TSPYL5: variants seen among roughly 807,000 people sequenced by gnomAD.
TSPYL5 encodes the protein testis-specific Y-encoded-like protein 5.
For synonymous variants in TSPYL5, 276 were observed against 236.1 expected (o/e 1.17, Z -1.55); for missense variants, 556 against 555.5 (o/e 1.00, Z -0.01).
At position 97,277,310 on chromosome 8, in the gene TSPYL5, C is replaced by T; in HGVS notation, c.535G>A (p.Val179Met). Reference sequence around the variant, plus strand: ...TCCTTCTTTTCCTCCCCAGCTGACACCGAGGTATTCTCCCCTGCCGCCCCT... The same window carrying T: ...TCCTTCTTTTCCTCCCCAGCTGACATCGAGGTATTCTCCCCTGCCGCCCCT... ...KKGAAGENTS[V>M]SAGEEKKEER... The change falls in exon 1 of 1, where the codon GTG becomes ATG. Residue 179 changes from valine (V) to methionine (M), a missense_variant. Coordinates refer to ENST00000322128, the MANE Select transcript of TSPYL5 (RefSeq NM_033512.3). The surrounding 1 kb of genome is among the most constrained non-coding windows in gnomAD (Gnocchi z 4.5). The T allele has an allele frequency of 6.2e-7, 1 of 1,612,076 alleles. No individual in the cohort carries two copies. Among genetic ancestry groups the T allele is most frequent in the African/African-American group, 1.3e-5 (1 of 75,050 alleles).
chr8:97,276,428 G>T lies in TSPYL5; in HGVS notation c.*163C>A. ...TGACACTAACGTAGAAAAGCAAGAG[G>T]CTATGGGAGGCAAAAGAACATGATC... is the stretch of plus-strand genomic sequence containing the variant. On this transcript the variant is annotated 3_prime_UTR_variant, in exon 1 of 1. Coordinates refer to ENST00000322128, the MANE Select transcript of TSPYL5 (RefSeq NM_033512.3). 1.1e-6 allele frequency: 1 copy of T among 888,234 alleles called. No homozygotes were observed. The highest frequency in any genetic ancestry group is 1.8e-6 in the Non-Finnish European group (1 of 569,432). The allele number at this position is 888,234 out of a possible 1,614,324, so 55.0% of individuals were successfully genotyped here.
chr8:97,276,701 G>A lies in TSPYL5; in HGVS notation c.1144C>T (p.Leu382Phe), dbSNP rs778314933. The A allele has an allele frequency of 1.9e-6, 3 of 1,614,174 alleles. No homozygotes were observed. The highest frequency in any genetic ancestry group is 1.3e-5 in the African/African-American group (1 of 75,030). ...TCTACACGAGCCCCTTCACTCAAAAGGTAGAACTGCAAGGGATTGGGCCAC... is the reference window on the plus strand; with the variant it reads ...TCTACACGAGCCCCTTCACTCAAAAAGTAGAACTGCAAGGGATTGGGCCAC... ...ELWPNPLQFY[L>F]LSEGARVEKG... The change falls in exon 1 of 1, where the codon CTT becomes TTT. Residue 382 changes from leucine to phenylalanine, a missense_variant. Physicochemically the swap from Leu to Phe is conservative, Grantham distance 22 (BLOSUM62 0). Coordinates refer to ENST00000322128, the MANE Select transcript of TSPYL5 (RefSeq NM_033512.3).
In TSPYL5 at chr8:97,276,874, C is replaced by T. The variant is rs148712696; in HGVS notation, c.971G>A (p.Arg324His). 3.7e-5 allele frequency: 60 copies of T among 1,614,014 alleles called. 1 individual carries two copies. The African/African-American group carries it at 5.5e-4, about 15-fold the overall frequency. Reference sequence around the variant, plus strand: ...TGGGAGCCACTGGATTGGAGTAGAACGAGACACCACCTGGCCAGAAGGACC... The same window carrying T: ...TGGGAGCCACTGGATTGGAGTAGAATGAGACACCACCTGGCCAGAAGGACC... Reference protein sequence around the residue: ...GCGPSGQVVSRSTPIQWLPGH... With the variant: ...GCGPSGQVVSHSTPIQWLPGH... The change falls in exon 1 of 1, where the codon CGT becomes CAT. Residue 324 changes from arginine to histidine, a missense_variant. Arg to His is a conservative substitution (Grantham distance 29). Transcript: ENST00000322128.
Position 97,276,409 on chromosome 8 carries a change from T to C in TSPYL5, c.*182A>G. On this transcript the variant is annotated 3_prime_UTR_variant, in exon 1 of 1. Transcript: ENST00000322128. ...GGTGCGATCACATAACATGTGACACTAACGTAGAAAAGCAAGAGGCTATGG... is the reference window on the plus strand; with the variant it reads ...GGTGCGATCACATAACATGTGACACCAACGTAGAAAAGCAAGAGGCTATGG... 1 of 760,424 alleles carries C rather than the reference T, an allele frequency of 1.3e-6. No homozygotes were observed. Among genetic ancestry groups the C allele is most frequent in the Non-Finnish European group, 2.2e-6 (1 of 460,166 alleles). 47.1% of individuals were successfully genotyped at this position (760,424 alleles called of 1,614,324 possible). A position where few individuals can be genotyped will look rare whatever the true frequency, so the allele number is the denominator to read the frequency against.
chr8:97,277,390 G>A lies in TSPYL5; in HGVS notation c.455C>T (p.Thr152Ile), dbSNP rs758654311. 3 of 1,588,196 alleles carry A rather than the reference G, an allele frequency of 1.9e-6. No homozygotes were observed. The highest frequency in any genetic ancestry group is 1.7e-6 in the Non-Finnish European group (2 of 1,169,020). Residue 152 changes from threonine (T) to isoleucine (I), a missense_variant, in exon 1 of 1, where the codon ACC becomes ATC. By Grantham distance (89) the Thr-to-Ile change is moderately conservative (BLOSUM62 -1). Coordinates refer to ENST00000322128, the MANE Select transcript of TSPYL5 (RefSeq NM_033512.3). This position sits in a 1 kb window ranked among gnomAD's most constrained non-coding sequence, Gnocchi z 4.5. ...RGPAGKKAPE[T>I]CSTAGRGPQV... Reference sequence around the variant, plus strand: ...AGGCCCCCTCCCCGCGGTGCTACAGGTTTCTGGGGCCTTCTTCCCGGCAGG... The same window carrying A: ...AGGCCCCCTCCCCGCGGTGCTACAGATTTCTGGGGCCTTCTTCCCGGCAGG...
rs980571910 is a variant in TSPYL5 at position 97,274,981 on chromosome 8, G to C, written c.*1610C>G. ...AAGAGAGCAAAGGACTGCTGAAAGT[G>C]GGAAAGCTGGGGATTGAGGTCCAGA... is the stretch of plus-strand genomic sequence containing the variant. On this transcript the variant is annotated 3_prime_UTR_variant, in exon 1 of 1. Transcript: ENST00000322128. 2.6e-5 allele frequency: 4 copies of C among 152,886 alleles called. No homozygotes were observed. The highest frequency in any genetic ancestry group is 1.3e-4 in the Admixed American group (2 of 15,300). 9.5% of individuals were successfully genotyped at this position (152,886 alleles called of 1,614,324 possible).
rs1489659393 is a variant in TSPYL5 at position 97,273,602 on chromosome 8, GAAC to G, written c.*2986_*2988del. 1 of 152,630 alleles carries G rather than the reference GAAC, an allele frequency of 6.6e-6. No homozygotes were observed. Among genetic ancestry groups the G allele is most frequent in the East Asian group, 1.9e-4 (1 of 5,202 alleles). The allele number at this position is 152,630 out of a possible 1,614,324, so 9.5% of individuals were successfully genotyped here. A position where few individuals can be genotyped will look rare whatever the true frequency, so the allele number is the denominator to read the frequency against. ...TAACAGGGTGTCAAATTACCAAGTA[GAAC>G]AACCAGTTACTAATTATTTTGGGGA... On this transcript the variant is annotated 3_prime_UTR_variant, in exon 1 of 1. Coordinates refer to ENST00000322128, the MANE Select transcript of TSPYL5 (RefSeq NM_033512.3).
chr8:97,275,627 T>G lies in TSPYL5; in HGVS notation c.*964A>C, dbSNP rs924982518. 1 of 152,264 alleles carries G rather than the reference T, an allele frequency of 6.6e-6. No homozygotes were observed. Among genetic ancestry groups the G allele is most frequent in the Admixed American group, 6.5e-5 (1 of 15,276 alleles). 9.4% of individuals were successfully genotyped at this position (152,264 alleles called of 1,614,324 possible). On this transcript the variant is annotated 3_prime_UTR_variant, in exon 1 of 1. Coordinates refer to ENST00000322128, the MANE Select transcript of TSPYL5 (RefSeq NM_033512.3). ...GTATCTGGATTCTATATAGGCCCAG[T>G]CCTCACCCTCACCTGGAGCCACAGC...
chr8:97,277,072 T>C lies in TSPYL5; in HGVS notation c.773A>G (p.Asn258Ser), dbSNP rs752633209. ...IPGFWGQAFQ[N>S]HPQLASFLNS... ...CAGAAAGGATGCTAGCTGGGGATGG[T>C]TCTGAAATGCTTGCCCCCAGAAGCC... Residue 258 changes from asparagine to serine, a missense_variant, in exon 1 of 1, where the codon AAC becomes AGC. Physicochemically the swap from Asn to Ser is conservative, Grantham distance 46. Coordinates refer to ENST00000322128, the MANE Select transcript of TSPYL5 (RefSeq NM_033512.3). This position sits in a 1 kb window ranked among gnomAD's most constrained non-coding sequence, Gnocchi z 4.5. The C allele has an allele frequency of 2.5e-6, 4 of 1,613,690 alleles. No homozygotes were observed. In the South Asian group the frequency reaches 4.4e-5, roughly 18 times the overall value.
In TSPYL5 at chr8:97,277,413, A is replaced by G. The variant is rs140049401; in HGVS notation, c.432T>C (p.Pro144=). ...NAPRVGNRRG[P]AGKKAPETCS... is the part of the protein sequence containing the mutation. ...AGGTTTCTGGGGCCTTCTTCCCGGC[A>G]GGGCCACGCCGGTTTCCAACGCGGG... The change falls in exon 1 of 1, where the codon CCT becomes CCC. Residue 144 remains proline (P), a synonymous_variant. Coordinates refer to ENST00000322128, the MANE Select transcript of TSPYL5 (RefSeq NM_033512.3). This position sits in a 1 kb window ranked among gnomAD's most constrained non-coding sequence, Gnocchi z 4.5. 1.3e-3 allele frequency: 1,979 copies of G among 1,571,414 alleles called. 20 individuals carry two copies. The African/African-American group carries it at 0.022, about 18-fold the overall frequency.
rs1264741474 is a variant in TSPYL5 at position 97,276,554 on chromosome 8, C to G, written c.*37G>C. ...AGCCAAATATGTAGTCAACCAGGAG[C>G]AGCCCAGCAGGAGGTAGCAGGGAGA... On this transcript the variant is annotated 3_prime_UTR_variant, in exon 1 of 1. Transcript: ENST00000322128. 6.3e-7 allele frequency: 1 copy of G among 1,585,262 alleles called. No individual in the cohort carries two copies.
chr8:97,276,052 T>TA lies in TSPYL5; in HGVS notation c.*538dup, dbSNP rs1207284897. 1 of 154,582 alleles carries TA rather than the reference T, an allele frequency of 6.5e-6. No individual in the cohort carries two copies. Among genetic ancestry groups the TA allele is most frequent in the Admixed American group, 6.4e-5 (1 of 15,658 alleles). 9.6% of individuals were successfully genotyped at this position (154,582 alleles called of 1,614,324 possible). A position where few individuals can be genotyped will look rare whatever the true frequency, so the allele number is the denominator to read the frequency against. ...ACAGACCACAGGCCAAAGCCAGAAA[T>TA]AAAGCAGGTGACATCTCAGCTGGTG... On this transcript the variant is annotated 3_prime_UTR_variant, in exon 1 of 1. Transcript: ENST00000322128.
At position 97,276,939 on chromosome 8, in the gene TSPYL5, C is replaced by G; in HGVS notation, c.906G>C (p.Pro302=). 3.1e-6 allele frequency: 5 copies of G among 1,614,166 alleles called. No individual in the cohort carries two copies. The South Asian group carries it at 5.5e-5, about 18-fold the overall frequency. Residue 302 remains proline (P), a synonymous_variant, in exon 1 of 1, where the codon CCG becomes CCC. Coordinates refer to ENST00000322128, the MANE Select transcript of TSPYL5 (RefSeq NM_033512.3). The part of the protein sequence containing the change: ...YKIKFYFDRN[P]YFQNKVLIKE... ...TGATGAGCACCTTATTTTGGAAATA[C>G]GGGTTGCGATCGAAGTAGAACTTGA...
Position 97,277,265 on chromosome 8 carries a change from C to T in TSPYL5, c.580G>A (p.Gly194Arg). The T allele has an allele frequency of 6.2e-7, 1 of 1,614,030 alleles. No individual in the cohort carries two copies. Among genetic ancestry groups the T allele is most frequent in the Non-Finnish European group, 8.5e-7 (1 of 1,179,994 alleles). ...EKKEERDAGS[G>R]PPATEGSMDT... ...ATGCTGCCTTCCGTCGCTGGGGGCC[C>T]CGACCCTGCATCCCTCTCTTCCTTC... The change falls in exon 1 of 1, where the codon GGG becomes AGG. Residue 194 changes from glycine (G) to arginine (R), a missense_variant. Coordinates refer to ENST00000322128, the MANE Select transcript of TSPYL5 (RefSeq NM_033512.3). The surrounding 1 kb of genome is among the most constrained non-coding windows in gnomAD (Gnocchi z 4.5).
chr8:97,276,506 G>C lies in TSPYL5; in HGVS notation c.*85C>G. The C allele has an allele frequency of 6.7e-7, 1 of 1,497,860 alleles. No homozygotes were observed. The highest frequency in any genetic ancestry group is 1.3e-5 in the South Asian group (1 of 75,874). The allele number at this position is 1,497,860 out of a possible 1,614,324, so 92.8% of individuals were successfully genotyped here. On this transcript the variant is annotated 3_prime_UTR_variant, in exon 1 of 1. Coordinates refer to ENST00000322128, the MANE Select transcript of TSPYL5 (RefSeq NM_033512.3). The stretch of plus-strand genomic sequence containing the variant: ...TCCAAAGGGTCTATAGTACACAGAG[G>C]CCAACATGAAGAGAAGGCAGAGAGC...
Position 97,277,861 on chromosome 8 carries a change from G to A in TSPYL5, c.-17C>T. ...GCCGCTCATGGTGGCGGCGGAGGCA[G>A]CTTCAAAGACACGCTGTGACCCTGC... On this transcript the variant is annotated 5_prime_UTR_variant, in exon 1 of 1. Coordinates refer to ENST00000322128, the MANE Select transcript of TSPYL5 (RefSeq NM_033512.3). The surrounding 1 kb of genome is among the most constrained non-coding windows in gnomAD (Gnocchi z 4.5). 1 of 1,422,374 alleles carries A rather than the reference G, an allele frequency of 7.0e-7. No homozygotes were observed. The highest frequency in any genetic ancestry group is 1.5e-5 in the African/African-American group (1 of 67,444). 88.1% of individuals were successfully genotyped at this position (1,422,374 alleles called of 1,614,324 possible).
chr8:97,277,239 CA>C lies in TSPYL5; in HGVS notation c.605del (p.Met202ArgfsTer9). 1 of 1,613,966 alleles carries C rather than the reference CA, an allele frequency of 6.2e-7. No individual in the cohort carries two copies. Among genetic ancestry groups the C allele is most frequent in the Non-Finnish European group, 8.5e-7 (1 of 1,180,026 alleles). ...GSGPPATEGS[M>X]DTLENVQLKL... ...TCAGCTGCACGTTCTCCAGCGTATC[CA>C]TGCTGCCTTCCGTCGCTGGGGGCCC... On this transcript the variant is annotated frameshift_variant, in exon 1 of 1. Transcript: ENST00000322128. LOFTEE classifies it low-confidence loss of function (END_TRUNC). This position sits in a 1 kb window ranked among gnomAD's most constrained non-coding sequence, Gnocchi z 4.5.
At position 97,276,769 on chromosome 8, in the gene TSPYL5, G is replaced by C; in HGVS notation, c.1076C>G (p.Ser359Cys). The stretch of plus-strand genomic sequence containing the variant: ...CTCCACAATCTTGTCAGACTCAATG[G>C]AGCTGTGGTTTGAAAACCACCCAAA... ...SFFGWFSNHS[S>C]IESDKIVEII... The change falls in exon 1 of 1, where the codon TCC (serine) becomes TGC (cysteine). Residue 359 changes from serine (S) to cysteine (C), a missense_variant. Ser to Cys is a moderately radical substitution (Grantham distance 112). Coordinates refer to ENST00000322128, the MANE Select transcript of TSPYL5 (RefSeq NM_033512.3). 1 of 1,614,144 alleles carries C rather than the reference G, an allele frequency of 6.2e-7. No homozygotes were observed. Among genetic ancestry groups the C allele is most frequent in the Non-Finnish European group, 8.5e-7 (1 of 1,180,018 alleles).
chr8:97,277,333 CCT>C lies in TSPYL5; in HGVS notation c.510_511del (p.Ala172GlyfsTer96), dbSNP rs1164647703. On this transcript the variant is annotated frameshift_variant, in exon 1 of 1. Transcript: ENST00000322128. LOFTEE classifies it low-confidence loss of function (END_TRUNC). The surrounding 1 kb of genome is among the most constrained non-coding windows in gnomAD (Gnocchi z 4.5). ...CACCGAGGTATTCTCCCCTGCCGCC[CCT>C]TTCTTCTGCCTCCCACCAGCTATGA... The C allele has an allele frequency of 6.2e-7, 1 of 1,609,746 alleles. No homozygotes were observed. The highest frequency in any genetic ancestry group is 2.2e-5 in the East Asian group (1 of 44,834).
Sources: gnomAD v4.1 joint callset for allele counts on GRCh38, gnomAD v4.1.1 for gene constraint, Gnocchi (gnomAD v3.1) non-coding constraint, MANE v1.5 for transcripts, NCBI Gene and HGNC (gene_info 2026-07-23, HGNC 2026-07-21) for gene names.